Variants in SERPINB12 observed in about 807,000 individuals in gnomAD.
The protein encoded by SERPINB12 is serpin family B member 12, also known as serpin B12.
A neutral mutation model predicts 41.1 loss-of-function variants in SERPINB12; 57 were observed. The observed-to-expected ratio is 1.39, with a 90% confidence interval of 1.12 to 1.73. SERPINB12 has a LOEUF of 1.73. Among genes scored for constraint, SERPINB12 ranks in the 40% most tolerant of loss-of-function variants. The pLI, the probability that SERPINB12 is intolerant of heterozygous loss-of-function variation, is 0.00. For synonymous variants in SERPINB12, 180 were observed against 181.3 expected (o/e 0.99, Z 0.06); for missense variants, 536 against 501.9 (o/e 1.07, Z -0.65).
intron 5 of SERPINB12, 105 bp from the exon 6 acceptor site, chr18:63,563,873 G>A (rs1910997464): frequency 9.1e-7 from 1 of 1,098,230 alleles, no homozygotes; most frequent in Middle Eastern, 2.6e-4. Flanking sequence ...TCCAGCCTGG[G>A]AGACAAGAGC....
upstream of SERPINB12, among the ~76,000 whole-genome samples, chr18:63,537,596 A>C (rs1910199296): frequency 6.6e-6 from 1 of 152,176 alleles, no homozygotes; most frequent in Non-Finnish European, 1.5e-5. Flanking sequence ...TTTCATGCCC[A>C]ATAAATTGTT....
Position 63,559,040 on chromosome 18 carries a change from T to TTCTTTCTTTCTTTCTTTCTTTCTTTC in SERPINB12, c.304-519_304-518insTTCTTTCTCTTTCTTTCTTTCTTTCT, listed in dbSNP as rs1555675576. ...TTTCTTTCTTTCTTTCTTTCTTTCT[T>TTCTTTCTTTCTTTCTTTCTTTCTTTC]TCTTTCTTTCTTTCTTTCTCTCCTT... On this transcript the variant is annotated intron_variant, in intron 3 of 7. Coordinates refer to ENST00000382768, the MANE Select transcript of SERPINB12 (RefSeq NM_001307928.2). Among the ~76,000 whole-genome samples, 66 of 27,654 alleles carry TTCTTTCTTTCTTTCTTTCTTTCTTTC rather than the reference T, an allele frequency of 2.4e-3. 5 individuals are homozygous for TTCTTTCTTTCTTTCTTTCTTTCTTTC. The highest frequency in any genetic ancestry group is 4.8e-3 in the African/African-American group (65 of 13,480). The allele number at this position is 27,654 out of a possible 152,430, so 18.1% of individuals were successfully genotyped here.
intron 1 of SERPINB12, among the ~76,000 whole-genome samples, chr18:63,550,101 A>G (rs1311301836): frequency 6.6e-6 from 1 of 152,128 alleles, no homozygotes; most frequent in Non-Finnish European, 1.5e-5. Context: ...CATTGTGGAT[A>G]GAGTTAGCAC....
At chr18:63,564,218 T>G in intron 6 of SERPINB12, 98 bp downstream of exon 6, 8 of 1,293,262 alleles carry the variant, frequency 6.2e-6, no homozygotes, top group Non-Finnish European at 8.6e-6. Context: ...CAGCTTACAT[T>G]TACAATAAGA....
At chr18:63,530,822 G>A in the SERPINB12 span, among the ~76,000 whole-genome samples, 2 of 152,110 alleles carry the variant, frequency 1.3e-5, no homozygotes, top group African/African-American at 2.4e-5. Context: ...GGGAGGGGAA[G>A]GTTAGAGAGG....
intron 1 of SERPINB12, among the ~76,000 whole-genome samples, chr18:63,551,518 T>A (rs1287492011): frequency 6.6e-6 from 1 of 151,856 alleles, no homozygotes; most frequent in African/African-American, 2.4e-5. Flanking sequence ...AGAAACGGGG[T>A]TTCACCATGT....
At chr18:63,560,473 C>A (rs56772049) in intron 4 of SERPINB12, among the ~76,000 whole-genome samples, 6,256 of 152,192 alleles carry the variant, frequency 0.041, 435 homozygotes, top group African/African-American at 0.14. Flanking sequence ...TAAAAACTAG[C>A]CTTTTGATGA....
At position 63,567,146 on chromosome 18, in the gene SERPINB12, A is replaced by G. The variant is rs939737003; in HGVS notation, c.*135A>G. 2 of 844,980 alleles carry G rather than the reference A, an allele frequency of 2.4e-6. No homozygotes were observed. Among genetic ancestry groups the G allele is most frequent in the African/African-American group, 3.4e-5 (2 of 58,538 alleles). 52.3% of individuals were successfully genotyped at this position (844,980 alleles called of 1,614,324 possible). A position where few individuals can be genotyped will look rare whatever the true frequency, so the allele number is the denominator to read the frequency against. ...ATCCTCCAGCCATCGGCTTGTGCTT[A>G]TCTTGATCTTTCTGTCACCCTGTAG... On this transcript the variant is annotated 3_prime_UTR_variant, in exon 8 of 8. Transcript: ENST00000382768.
upstream of SERPINB12, among the ~76,000 whole-genome samples, chr18:63,538,849 G>T (rs1450976614): frequency 3.3e-5 from 5 of 152,214 alleles, no homozygotes; most frequent in African/African-American, 1.2e-4. Context: ...TCTTCACCAA[G>T]ACTTGTTATT....
intron 5 of SERPINB12, among the ~76,000 whole-genome samples, chr18:63,563,124 C>A (rs140042722): frequency 6.6e-6 from 1 of 152,160 alleles, no homozygotes; most frequent in East Asian, 1.9e-4. Context: ...GATAATGATA[C>A]CTCCTTATCG....
intron 7 of SERPINB12, among the ~76,000 whole-genome samples, chr18:63,566,107 G>A (rs993989125): frequency 6.6e-6 from 1 of 152,144 alleles, no homozygotes; most frequent in Non-Finnish European, 1.5e-5. Flanking sequence ...GTCCAGGGGG[G>A]TAAAGAGATA....
Position 63,558,441 on chromosome 18 carries a change from C to G in SERPINB12, c.258C>G (p.Ser86Arg). 6.2e-7 allele frequency: 1 copy of G among 1,613,852 alleles called. No individual in the cohort carries two copies. Among genetic ancestry groups the G allele is most frequent in the Non-Finnish European group, 8.5e-7 (1 of 1,179,832 alleles). ...ACAAACAAAAAGTGCTGGCTGACAG[C>G]TCTCTGGAGGGGCAGAAAAAAACGA... The part of the protein sequence containing the change: ...KSNKQKVLAD[S>R]SLEGQKKTTE... Residue 86 changes from serine (S) to arginine (R), a missense_variant, in exon 3 of 8, where the codon AGC becomes AGG. Ser to Arg is a moderately radical substitution (Grantham distance 110, BLOSUM62 -1). Transcript: ENST00000382768.
At chr18:63,547,623 T>G (rs926380452) in intron 1 of SERPINB12, among the ~76,000 whole-genome samples, 2 of 152,096 alleles carry the variant, frequency 1.3e-5, no homozygotes, top group African/African-American at 4.8e-5. Context: ...AAAAAACAGT[T>G]TTACTCAGAA....
At chr18:63,538,978 G>C (rs1028819201), upstream of SERPINB12, among the ~76,000 whole-genome samples, 6 of 152,174 alleles carry the variant, frequency 3.9e-5, no homozygotes, top group Admixed American at 2.0e-4. Flanking sequence ...GCTGGGAGTG[G>C]TGGCTCATGC....
intron 2 of SERPINB12, among the ~76,000 whole-genome samples, chr18:63,557,600 AT>A (rs1310280248): frequency 1.3e-5 from 2 of 152,128 alleles, no homozygotes; most frequent in African/African-American, 4.8e-5. Flanking sequence ...TTGGTGTATT[AT>A]TTTCTTATTC....
intron 2 of SERPINB12, among the ~76,000 whole-genome samples, 194 bp from the exon 3 acceptor site, chr18:63,558,158 G>A (rs73961724): frequency 0.041 from 6,244 of 152,150 alleles, 433 homozygotes; most frequent in African/African-American, 0.14. Context: ...CTCTCCCAGG[G>A]TAGCGGTTGG....
intron 3 of SERPINB12, among the ~76,000 whole-genome samples, chr18:63,559,266 G>C (rs1462309780): frequency 6.6e-6 from 1 of 151,728 alleles, no homozygotes; most frequent in African/African-American, 2.4e-5. Flanking sequence ...CACCATGCCT[G>C]GCCTCTTTGA....
chr18:63,559,065 TCTTCTCTC>T (rs71162655), intron 3 of SERPINB12, among the ~76,000 whole-genome samples: 617 of 32,150 alleles, frequency 0.019, 29 homozygotes, highest in Middle Eastern at 0.1. Context: ...TTTCTCTCCT[TCTTCTCTC>T]CTTCTCTCCT....
the SERPINB12 span, among the ~76,000 whole-genome samples, chr18:63,530,666 C>G: frequency 6.6e-6 from 1 of 152,130 alleles, no homozygotes; most frequent in Non-Finnish European, 1.5e-5. Flanking sequence ...CATAATCAGG[C>G]CGTGAGTACT....
Sources: gnomAD v4.1 joint callset for allele counts (sites outside exome capture counted in the v4.1 genomes callset) on GRCh38, gnomAD v4.1.1 for gene constraint, MANE v1.5 for transcripts, NCBI Gene and HGNC (gene_info 2026-07-23, HGNC 2026-07-21) for gene names.